The following SCHIP1 variants were observed in gnomAD, a reference collection of about 807,000 sequenced individuals.
The protein encoded by SCHIP1 is schwannomin interacting protein 1, also known as schwannomin-interacting protein 1.
A neutral mutation model predicts 29.7 loss-of-function variants in SCHIP1; 8 were observed. The observed-to-expected ratio is 0.27, with a 90% CI of 0.16 to 0.49. The LOEUF (loss-of-function observed/expected upper bound fraction) is 0.49, where lower values mean the gene tolerates loss of function less well. SCHIP1 is among the 20% of genes least tolerant of loss of function. SCHIP1 has a pLI of 0.99. For missense variants in SCHIP1, 193 were observed against 294.6 expected (o/e 0.66, Z 2.52); for synonymous variants, 76 against 94.9 (o/e 0.80, Z 1.16).
chr3:159,278,099 A>G, the SCHIP1 span, among the ~76,000 whole-genome samples: 2 of 152,188 alleles, frequency 1.3e-5, no homozygotes, highest in African/African-American at 4.8e-5. Flanking sequence ...GTCTTTTCCA[A>G]CTTAGACATG....
the SCHIP1 span, among the ~76,000 whole-genome samples, chr3:159,632,173 G>A: frequency 1.3e-5 from 2 of 152,284 alleles, no homozygotes; most frequent in African/African-American, 4.8e-5. Context: ...ATGTGGCTAT[G>A]TGTCGTCTTG....
the SCHIP1 span, among the ~76,000 whole-genome samples, chr3:159,706,933 A>T: frequency 6.6e-6 from 1 of 152,214 alleles, no homozygotes; most frequent in African/African-American, 2.4e-5. Flanking sequence ...AGCACTCGTT[A>T]TGTGTCAGAC....
the SCHIP1 span, among the ~76,000 whole-genome samples, chr3:159,713,025 C>A: frequency 2.6e-5 from 4 of 151,228 alleles, no homozygotes; most frequent in African/African-American, 9.7e-5. Flanking sequence ...CGTGGTGGTG[C>A]ATGCCTGTAA....
the SCHIP1 span, among the ~76,000 whole-genome samples, chr3:159,718,041 T>A: frequency 6.6e-6 from 1 of 152,170 alleles, no homozygotes; most frequent in Non-Finnish European, 1.5e-5. Flanking sequence ...CGTGATTAAG[T>A]GGGCTTCATC....
chr3:159,458,991 T>G, the SCHIP1 span, among the ~76,000 whole-genome samples: 3 of 152,208 alleles, frequency 2.0e-5, no homozygotes, highest in Non-Finnish European at 4.4e-5. Flanking sequence ...AATACCTTTA[T>G]GCTATTTCTG....
chr3:159,518,361 TTA>T, the SCHIP1 span, among the ~76,000 whole-genome samples: 11 of 152,268 alleles, frequency 7.2e-5, no homozygotes, highest in Middle Eastern at 3.4e-3. Flanking sequence ...TTATGTTTGA[TTA>T]CTTACACTGG....
the SCHIP1 span, among the ~76,000 whole-genome samples, chr3:159,827,464 T>C: frequency 6.6e-6 from 1 of 152,186 alleles, no homozygotes; most frequent in African/African-American, 2.4e-5. Context: ...GAAAACACAT[T>C]TTCAGAAAAG....
the SCHIP1 span, among the ~76,000 whole-genome samples, chr3:159,320,071 ATTGT>A: frequency 6.6e-6 from 1 of 152,206 alleles, no homozygotes; most frequent in Admixed American, 6.5e-5. Context: ...GAGCATTTTA[ATTGT>A]TTGTCTGGTT....
chr3:159,531,632 T>C, the SCHIP1 span, among the ~76,000 whole-genome samples: 1 of 152,172 alleles, frequency 6.6e-6, no homozygotes, highest in Non-Finnish European at 1.5e-5. Context: ...TGCAAAAGTA[T>C]GTAAGTCTAG....
At chr3:159,764,234 C>A in the SCHIP1 span, 1 of 520,264 alleles carries the variant, frequency 1.9e-6, no homozygotes, top group Non-Finnish European at 3.3e-6. This position sits in a 1 kb window ranked among gnomAD's most constrained non-coding sequence, Gnocchi z 6.1. Flanking sequence ...GGTTAGTTAC[C>A]GGCAGGAAGT....
the SCHIP1 span, among the ~76,000 whole-genome samples, chr3:159,817,694 T>G: frequency 4.6e-5 from 7 of 152,230 alleles, no homozygotes; most frequent in African/African-American, 1.7e-4. Context: ...AGTTTTTGTT[T>G]TGTTTTGTTT....
the SCHIP1 span, among the ~76,000 whole-genome samples, chr3:159,329,265 T>C: frequency 6.6e-6 from 1 of 152,128 alleles, no homozygotes; most frequent in Non-Finnish European, 1.5e-5. Context: ...CCCAGGGAGA[T>C]AGTCTAAGCT....
At chr3:159,631,984 T>G in the SCHIP1 span, among the ~76,000 whole-genome samples, 1 of 152,180 alleles carries the variant, frequency 6.6e-6, no homozygotes, top group Non-Finnish European at 1.5e-5. Context: ...GTATTCTATG[T>G]TTTTAAAAAC....
the SCHIP1 span, among the ~76,000 whole-genome samples, chr3:159,809,492 T>C: frequency 6.6e-6 from 1 of 152,138 alleles, no homozygotes; most frequent in South Asian, 2.1e-4. Context: ...TTTGGGTATA[T>C]ACCCAGTAAT....
At chr3:159,427,620 C>T in the SCHIP1 span, among the ~76,000 whole-genome samples, 1 of 151,468 alleles carries the variant, frequency 6.6e-6, no homozygotes, top group Non-Finnish European at 1.5e-5. Context: ...CCATACTGCC[C>T]AAGGTAATTT....
chr3:159,322,031 C>T, the SCHIP1 span, among the ~76,000 whole-genome samples: 1 of 151,806 alleles, frequency 6.6e-6, no homozygotes, highest in Admixed American at 6.6e-5. Flanking sequence ...AGCAGTATTA[C>T]AGGCTACATC....
the SCHIP1 span, among the ~76,000 whole-genome samples, chr3:159,466,331 A>G: frequency 2.0e-5 from 3 of 152,076 alleles, no homozygotes; most frequent in East Asian, 1.9e-4. Flanking sequence ...AAGAAAGAAA[A>G]AAAAGAACAT....
chr3:159,291,931 A>G, the SCHIP1 span, among the ~76,000 whole-genome samples: 1 of 152,168 alleles, frequency 6.6e-6, no homozygotes, highest in Admixed American at 6.5e-5. Context: ...ACATTAAATG[A>G]CATTTAAAGG....
At chr3:159,764,931 G>T in the SCHIP1 span, 1 of 1,500,088 alleles carries the variant, frequency 6.7e-7, no homozygotes. This position sits in a 1 kb window ranked among gnomAD's most constrained non-coding sequence, Gnocchi z 6.1. Context: ...CGATCCAAAA[G>T]CCCCAGCCGG....
Sources: gnomAD v4.1 joint callset for allele counts (sites outside exome capture counted in the v4.1 genomes callset) on GRCh38, gnomAD v4.1.1 for gene constraint, Gnocchi (gnomAD v3.1) non-coding constraint, MANE v1.5 for transcripts, NCBI Gene and HGNC (gene_info 2026-07-23, HGNC 2026-07-21) for gene names.